Variants in NEK3 observed in about 807,000 individuals in gnomAD.
NEK3 encodes the protein serine/threonine-protein kinase Nek3.
In NEK3, 54 loss-of-function variants were observed where a neutral mutation model predicts 66.0. The observed-to-expected ratio is 0.82, with a 90% CI of 0.66 to 1.03. The LOEUF (loss-of-function observed/expected upper bound fraction) is 1.03, where lower values mean the gene tolerates loss of function less well. Ranked by LOEUF, NEK3 falls within the 50% of genes least tolerant of loss-of-function variation. The probability of loss-of-function intolerance (pLI) is 0.00; values close to 1 mark genes in which losing one functional copy is unlikely to be tolerated. For synonymous variants in NEK3, 200 were observed against 206.2 expected (o/e 0.97, Z 0.26); for missense variants, 593 against 603.0 (o/e 0.98, Z 0.17).
intron 8 of NEK3, chr13:52,148,125 ATTTAT>A (rs1373170194): frequency 1.8e-5 from 5 of 274,800 alleles, no homozygotes; most frequent in Non-Finnish European, 2.7e-5. Context: ...CAAATTTTAT[ATTTAT>A]TTTATCAAAA....
Position 52,153,049 on chromosome 13 carries a change from T to C in NEK3, c.310-357A>G, listed in dbSNP as rs530694906. 3.9e-5 allele frequency among the ~76,000 whole-genome samples: 6 copies of C among 152,326 alleles called. No individual in the cohort carries two copies. In the South Asian group the frequency reaches 1.2e-3, roughly 32 times the overall value. On this transcript the variant is annotated intron_variant, in intron 4 of 15. Transcript: ENST00000610828. ...CAGCTTTTCTAGTGTAATCATTATG[T>C]TGGATTTTCATTTAATTCTGCAGAA...
chr13:52,134,334 G>A (rs895997837), intron 14 of NEK3, among the ~76,000 whole-genome samples: 2 of 151,484 alleles, frequency 1.3e-5, no homozygotes, highest in Non-Finnish European at 2.9e-5. Context: ...CTATAAACAG[G>A]ATTTTCTTTA....
chr13:52,153,945 G>T lies in NEK3; in HGVS notation c.259C>A (p.Leu87Ile). 1.2e-6 allele frequency: 2 copies of T among 1,612,826 alleles called. No individual in the cohort carries two copies. Among genetic ancestry groups the T allele is most frequent in the Middle Eastern group, 1.7e-4 (1 of 6,050 alleles). The change falls in exon 4 of 16, where the codon CTA (leucine) becomes ATA (isoleucine). Residue 87 changes from leucine to isoleucine, a missense_variant. Coordinates refer to ENST00000610828, the MANE Select transcript of NEK3 (RefSeq NM_002498.3). ...IVMEYCDGGD[L>I]MQKIKQQKGK... ...TTCTGCTGTTTAATCTTTTGCATTA[G>T]ATCCCCTCCATCACAGTATTCCATC...
intron 7 of NEK3, 92 bp from the exon 8 acceptor site, chr13:52,148,561 A>G: frequency 9.2e-7 from 1 of 1,086,470 alleles, no homozygotes; most frequent in Non-Finnish European, 1.4e-6. Context: ...AATAGATATC[A>G]CAAGTAATTC....
At chr13:52,158,830 C>G (rs746068180) in intron 1 of NEK3, among the ~76,000 whole-genome samples, 7 of 152,164 alleles carry the variant, frequency 4.6e-5, no homozygotes, top group Non-Finnish European at 8.8e-5. Flanking sequence ...ATAAGTAATG[C>G]GAGAAATCTA....
chr13:52,133,968 T>C (rs377336228), intron 14 of NEK3, 153 bp from the exon 15 acceptor site: 1 of 710,448 alleles, frequency 1.4e-6, no homozygotes, highest in Admixed American at 2.8e-5. Flanking sequence ...CCAACATGAT[T>C]GTAGGCATAA....
chr13:52,143,892 A>G (rs1327874988), intron 10 of NEK3, 23 bp downstream of exon 10: 1 of 1,273,894 alleles, frequency 7.8e-7, no homozygotes, highest in Non-Finnish European at 1.1e-6. Context: ...ACTTAACAAA[A>G]AATACTCTGT....
Position 52,136,200 on chromosome 13 carries a change from C to A in NEK3, c.1090G>T (p.Glu364Ter). The change falls in exon 13 of 16, where the codon GAG becomes TAG. Residue 364 changes from glutamate (E) to a stop codon, truncating the protein, a stop_gained. Transcript: ENST00000610828. LOFTEE classifies it high-confidence loss of function. ...SSPNLHRRQW[E>*]KNVPNTALTA... ...AGAGCTGTATTGGGTACATTTTTCT[C>A]CCACTGTCGTCTATGAAGATTTGGT... 10 of 1,613,754 alleles carry A rather than the reference C, an allele frequency of 6.2e-6. No homozygotes were observed. Among genetic ancestry groups the A allele is most frequent in the Non-Finnish European group, 7.6e-6 (9 of 1,179,724 alleles).
chr13:52,153,900 C>T lies in NEK3; in HGVS notation c.304G>A (p.Asp102Asn), dbSNP rs1956368461. 4.4e-6 allele frequency: 7 copies of T among 1,603,046 alleles called. No homozygotes were observed. The highest frequency in any genetic ancestry group is 1.1e-5 in the South Asian group (1 of 90,818). Residue 102 changes from aspartate to asparagine, a missense_variant, in exon 4 of 16, where the codon GAC (aspartate) becomes AAC (asparagine). Coordinates refer to ENST00000610828, the MANE Select transcript of NEK3 (RefSeq NM_002498.3). The part of the protein sequence containing the change: ...KQQKGKLFPE[D>N]MILNWFTQMC... Reference sequence around the variant, plus strand: ...TATGTAAGTCAATCTCTTACCATGTCTTCAGGAAATAACTTTCCTTTCTGC... The same window carrying T: ...TATGTAAGTCAATCTCTTACCATGTTTTCAGGAAATAACTTTCCTTTCTGC...
At chr13:52,136,762 T>C in intron 12 of NEK3, 38 bp downstream of exon 12, 1 of 1,375,430 alleles carries the variant, frequency 7.3e-7, no homozygotes, top group Non-Finnish European at 1.0e-6. Context: ...ATTCCCCAAC[T>C]CCTCACCTAA....
At chr13:52,150,005 T>C (rs1412486949) in intron 7 of NEK3, among the ~76,000 whole-genome samples, 9 of 152,316 alleles carry the variant, frequency 5.9e-5, no homozygotes, top group Admixed American at 3.9e-4. Flanking sequence ...TTAATCTCAA[T>C]TCGGTAACAT....
chr13:52,146,518 A>G (rs894859026), intron 8 of NEK3, among the ~76,000 whole-genome samples: 1 of 152,204 alleles, frequency 6.6e-6, no homozygotes, highest in Non-Finnish European at 1.5e-5. Flanking sequence ...TTCTTGCTGG[A>G]AAAAAGAAGA....
chr13:52,144,753 C>T lies in NEK3; in HGVS notation c.742G>A (p.Ala248Thr), dbSNP rs767385723. 2.2e-5 allele frequency: 36 copies of T among 1,613,672 alleles called. No homozygotes were observed. The highest frequency in any genetic ancestry group is 3.0e-5 in the Non-Finnish European group (35 of 1,179,870). Residue 248 changes from alanine (A) to threonine (T), a missense_variant, in exon 9 of 16, where the codon GCT becomes ACT. By Grantham distance (58) the Ala-to-Thr change is moderately conservative (BLOSUM62 0). Transcript: ENST00000610828. ...FKRNPSHRPS[A>T]TTLLSRGIVA... ...ATGCCTCGAGAGAGAAGCGTTGTAG[C>T]CGAGGGGCGATGTGAGGGATTCCTT...
intron 7 of NEK3, among the ~76,000 whole-genome samples, chr13:52,149,117 T>C (rs1956318050): frequency 1.3e-5 from 2 of 151,812 alleles, no homozygotes; most frequent in Non-Finnish European, 1.5e-5. Context: ...GCCAGGATGG[T>C]CTCAATCTCC....
intron 12 of NEK3, 112 bp downstream of exon 12, chr13:52,136,688 G>T: frequency 3.4e-6 from 2 of 590,218 alleles, no homozygotes; most frequent in Non-Finnish European, 2.9e-6. Context: ...TACTAGATAA[G>T]CAAACAAATA....
chr13:52,156,106 A>G lies in NEK3; in HGVS notation c.86T>C (p.Met29Thr). The G allele has an allele frequency of 6.2e-7, 1 of 1,606,784 alleles. No homozygotes were observed. The highest frequency in any genetic ancestry group is 8.5e-7 in the Non-Finnish European group (1 of 1,176,344). The change falls in exon 2 of 16, where the codon ATG (methionine) becomes ACG (threonine). Residue 29 changes from methionine (M) to threonine (T), a missense_variant. Transcript: ENST00000610828. ...AAGCCTTATTTCTTTCATGGCAAAC[A>G]TCTGATTACTGCTTTCATGCTGAAC... is the stretch of plus-strand genomic sequence containing the variant. ...LLVQHESSNQ[M>T]FAMKEIRLPK...
chr13:52,153,831 T>C (rs889237079), intron 4 of NEK3, 64 bp downstream of exon 4: 8 of 1,064,840 alleles, frequency 7.5e-6, no homozygotes, highest in Admixed American at 3.8e-5. Context: ...TTTTAACTTA[T>C]ATAAAGTTTA....
intron 1 of NEK3, among the ~76,000 whole-genome samples, chr13:52,158,408 T>C (rs147519935): frequency 2.3e-3 from 345 of 152,354 alleles, no homozygotes; most frequent in African/African-American, 6.5e-3. Flanking sequence ...ATGAGGTCTT[T>C]TGAGTGTATA....
At chr13:52,145,737 T>G (rs1956290502) in intron 8 of NEK3, among the ~76,000 whole-genome samples, 1 of 152,346 alleles carries the variant, frequency 6.6e-6, no homozygotes, top group Non-Finnish European at 1.5e-5. Flanking sequence ...GTAACATTTT[T>G]AAAGTTTTCC....
Sources: gnomAD v4.1 joint callset for allele counts (sites outside exome capture counted in the v4.1 genomes callset) on GRCh38, gnomAD v4.1.1 for gene constraint, MANE v1.5 for transcripts, NCBI Gene and HGNC (gene_info 2026-07-23, HGNC 2026-07-21) for gene names.